Variants in TEX9 observed in about 807,000 individuals in gnomAD.
TEX9 encodes the protein testis-expressed protein 9.
A neutral mutation model predicts 59.6 loss-of-function variants in TEX9; 74 were observed. The ratio of observed to expected loss-of-function variants is 1.24; its 90% CI spans 1.03 to 1.51. The LOEUF (loss-of-function observed/expected upper bound fraction) is 1.51, where lower values mean the gene tolerates loss of function less well. Among genes scored for constraint, TEX9 ranks in the 40% most tolerant of loss-of-function variants. The pLI is 0.00. For synonymous variants in TEX9, 186 were observed against 152.2 expected, an observed-to-expected ratio of 1.22 and a Z score of -1.64; for missense variants, 522 against 447.8, an observed-to-expected ratio of 1.17 and a Z score of -1.49.
At chr15:56,307,515 A>G (rs1326143894) in intron 1 of TEX9, among the ~76,000 whole-genome samples, 1 of 152,246 alleles carries the variant, frequency 6.6e-6, no homozygotes, top group Non-Finnish European at 1.5e-5. Flanking sequence ...GTTGATGGGA[A>G]TAAAACCAAC....
intron 1 of TEX9, among the ~76,000 whole-genome samples, chr15:56,316,751 C>G (rs543297516): frequency 7.4e-4 from 112 of 152,314 alleles, no homozygotes; most frequent in Admixed American, 1.3e-3. Context: ...CCCCCAGCCT[C>G]GCTGTCGCCT....
intron 12 of TEX9, among the ~76,000 whole-genome samples, chr15:56,432,930 T>C (rs1456714269): frequency 6.6e-6 from 1 of 152,208 alleles, no homozygotes; most frequent in East Asian, 1.9e-4. Flanking sequence ...TCAAAACACC[T>C]ACATATTATC....
At chr15:56,457,355 T>A in the TEX9 span, among the ~76,000 whole-genome samples, 2 of 152,116 alleles carry the variant, frequency 1.3e-5, no homozygotes, top group African/African-American at 4.8e-5. Context: ...TCATTAGCCA[T>A]CAGGAAATGC....
At chr15:56,349,786 C>CAT (rs1296049887) in intron 1 of TEX9, among the ~76,000 whole-genome samples, 6 of 150,048 alleles carry the variant, frequency 4.0e-5, no homozygotes, top group East Asian at 1.9e-4. Context: ...CTTGTGAGTG[C>CAT]ATATATATAT....
At chr15:56,286,383 G>A (rs1265068909) in intron 1 of TEX9, among the ~76,000 whole-genome samples, 3 of 152,146 alleles carry the variant, frequency 2.0e-5, no homozygotes, top group East Asian at 3.9e-4. Context: ...GATCTGTGGG[G>A]TCCAGAGATG....
At chr15:56,427,814 T>G (rs1274968525) in intron 11 of TEX9, 75 bp downstream of exon 11, 6 of 1,212,386 alleles carry the variant, frequency 4.9e-6, no homozygotes, top group Non-Finnish European at 6.6e-6. Context: ...TTTTTCACTT[T>G]AGGTATGTTT....
intron 12 of TEX9, among the ~76,000 whole-genome samples, chr15:56,442,949 C>G (rs192798702): frequency 1.3e-3 from 194 of 151,844 alleles, no homozygotes; most frequent in African/African-American, 4.5e-3. Context: ...GTGGATTTGC[C>G]TCTTTCTCCT....
Position 56,255,176 on chromosome 15 carries a change from C to T in TEX9, c.-107+10898C>T, listed in dbSNP as rs116126041. Among the ~76,000 whole-genome samples, 166 of 152,208 alleles carry T rather than the reference C, an allele frequency of 1.1e-3. 1 individual carries two copies. Among genetic ancestry groups the T allele is most frequent in the African/African-American group, 3.7e-3 (152 of 41,554 alleles). The stretch of plus-strand genomic sequence containing the variant: ...CCATATAGACTCTGTTGCAACCACT[C>T]AGCTCTGCTGTTGTAGTGTGAAAAC... On this transcript the variant is annotated intron_variant, in intron 1 of 5. Coordinates refer to the TEX9 transcript ENST00000560827.
chr15:56,300,828 C>A (rs2045344309), intron 1 of TEX9, among the ~76,000 whole-genome samples: 1 of 151,684 alleles, frequency 6.6e-6, no homozygotes, highest in Admixed American at 6.6e-5. Flanking sequence ...TGACCAAATA[C>A]TTAGATCACA....
chr15:56,356,184 C>G (rs1275474082), intron 1 of TEX9, among the ~76,000 whole-genome samples: 2 of 152,032 alleles, frequency 1.3e-5, no homozygotes, highest in Non-Finnish European at 2.9e-5. Flanking sequence ...ATAGTGATGA[C>G]AGTGGAAATG....
intron 7 of TEX9, 143 bp downstream of exon 7, chr15:56,391,561 A>G (rs927418568): frequency 1.9e-6 from 1 of 519,812 alleles, no homozygotes; most frequent in African/African-American, 2.0e-5. Context: ...GATGTGGTGG[A>G]GGGAGGAATG....
At chr15:56,397,820 A>G (rs2048551715) in intron 9 of TEX9, 2 of 152,314 alleles carry the variant, frequency 1.3e-5, no homozygotes, top group Non-Finnish European at 2.9e-5. Context: ...TTCCCTGCAC[A>G]AGCTCTCGTC....
intron 9 of TEX9, among the ~76,000 whole-genome samples, chr15:56,408,009 CTT>C (rs2049160620): frequency 6.6e-6 from 1 of 152,174 alleles, no homozygotes; most frequent in East Asian, 1.9e-4. Flanking sequence ...CAAATTTACT[CTT>C]ATCAGATTAT....
At chr15:56,459,650 G>C in the TEX9 span, among the ~76,000 whole-genome samples, 1 of 152,028 alleles carries the variant, frequency 6.6e-6, no homozygotes, top group Non-Finnish European at 1.5e-5. Flanking sequence ...AGCAAAAAGT[G>C]AAGAATTCTT....
At chr15:56,393,827 A>G (rs1221336906) in intron 7 of TEX9, 3 of 176,644 alleles carry the variant, frequency 1.7e-5, no homozygotes, top group Non-Finnish European at 3.5e-5. Flanking sequence ...GAGTTTTGCT[A>G]GAGAAGATTT....
chr15:56,284,094 A>T (rs1234778092), intron 1 of TEX9, among the ~76,000 whole-genome samples: 5 of 152,212 alleles, frequency 3.3e-5, no homozygotes, highest in Non-Finnish European at 7.3e-5. Flanking sequence ...TTTAGAAGAC[A>T]TTTTAGCAAT....
chr15:56,303,316 A>T (rs1438651246), intron 1 of TEX9, among the ~76,000 whole-genome samples: 1 of 152,164 alleles, frequency 6.6e-6, no homozygotes, highest in Non-Finnish European at 1.5e-5. Context: ...GCCACAAAAC[A>T]CGTCTTTAAA....
intron 12 of TEX9, chr15:56,444,401 A>G: frequency 2.6e-6 from 4 of 1,529,310 alleles, no homozygotes; most frequent in Non-Finnish European, 3.6e-6. Context: ...TGATATATCT[A>G]AAGTAAACAT....
intron 1 of TEX9, among the ~76,000 whole-genome samples, chr15:56,307,632 T>A (rs1393474486): frequency 6.6e-6 from 1 of 152,226 alleles, no homozygotes; most frequent in Non-Finnish European, 1.5e-5. Flanking sequence ...TTCAATGCAG[T>A]GGTTTTAATG....
Sources: gnomAD v4.1 joint callset for allele counts (sites outside exome capture counted in the v4.1 genomes callset) on GRCh38, gnomAD v4.1.1 for gene constraint, MANE v1.5 for transcripts, NCBI Gene and HGNC (gene_info 2026-07-23, HGNC 2026-07-21) for gene names.